GNS: variants seen among roughly 807,000 people sequenced by gnomAD.
GNS encodes the protein N-acetylglucosamine-6-sulfatase.
GNS carries 40 observed loss-of-function variants against 69.7 expected under a neutral mutation model. The ratio of observed to expected loss-of-function variants is 0.57; its 90% confidence interval spans 0.45 to 0.75. The LOEUF (loss-of-function observed/expected upper bound fraction) is 0.75, where lower values mean the gene tolerates loss of function less well. Among genes scored for constraint, GNS ranks in the 30% least tolerant of loss-of-function variants. The pLI, the probability that GNS is intolerant of heterozygous loss-of-function variation, is 0.00. For synonymous variants in GNS, 243 were observed against 251.6 expected, an observed-to-expected ratio of 0.97 and a Z score of 0.32; for missense variants, 565 against 685.5, an observed-to-expected ratio of 0.82 and a Z score of 1.96.
intron 13 of GNS, 51 bp downstream of exon 13, chr12:64,719,971 A>T: frequency 7.9e-7 from 1 of 1,260,092 alleles, no homozygotes; most frequent in Non-Finnish European, 1.2e-6. Context: ...CAAGAACAGC[A>T]TGTCTACTAG....
chr12:64,730,881 T>C (rs1279836074), intron 9 of GNS, among the ~76,000 whole-genome samples: 2 of 152,094 alleles, frequency 1.3e-5, no homozygotes, highest in African/African-American at 2.4e-5. Flanking sequence ...TTCAGTGATA[T>C]CTGTAAAATG....
chr12:64,717,518 A>ATTTTTTTTTTT (rs57088346), intron 13 of GNS, among the ~76,000 whole-genome samples: 1 of 131,412 alleles, frequency 7.6e-6, no homozygotes, highest in Non-Finnish European at 1.6e-5. Context: ...CACCTGGCTA[A>ATTTTTTTTTTT]TTTTTTTTTT....
At position 64,714,149 on chromosome 12, in the gene GNS, C is replaced by A. The variant is rs949157944; in HGVS notation, c.*2592G>T. ...CATCTCAAAAAAAAAGTGTTTGCAA[C>A]AGCACCATTTGTCAAATTCAAAGAT... On this transcript the variant is annotated 3_prime_UTR_variant, in exon 14 of 14. Coordinates refer to ENST00000258145, the MANE Select transcript of GNS (RefSeq NM_002076.4). 1 of 152,162 alleles carries A rather than the reference C, an allele frequency of 6.6e-6. No individual in the cohort carries two copies. The allele number at this position is 152,162 out of a possible 1,614,324, so 9.4% of individuals were successfully genotyped here.
rs768291103 is a variant in GNS at position 64,759,117 on chromosome 12, T to C, written c.160A>G (p.Thr54Ala). ...TRRPNVVLLL[T>A]DDQDEVLGGM... ...CCGAGCACTTCGTCCTGGTCGTCCG[T>C]GAGGAGCAGCACCACGTTGGGCCTC... is the stretch of plus-strand genomic sequence containing the variant. The change falls in exon 1 of 14, where the codon ACG becomes GCG. Residue 54 changes from threonine (T) to alanine (A), a missense_variant. Physicochemically the swap from Thr to Ala is moderately conservative, Grantham distance 58 (BLOSUM62 0). Around this residue, in one of 2 missense-constraint regions of GNS, gnomAD observed 181 missense variants for 174.4 expected, o/e 1.04. Coordinates refer to ENST00000258145, the MANE Select transcript of GNS (RefSeq NM_002076.4). 1.4e-5 allele frequency: 22 copies of C among 1,563,732 alleles called. No individual in the cohort carries two copies. The highest frequency in any genetic ancestry group is 1.7e-5 in the Non-Finnish European group (20 of 1,154,316).
At chr12:64,749,873 ATTTTT>A (rs35784292) in intron 2 of GNS, among the ~76,000 whole-genome samples, 1 of 127,814 alleles carries the variant, frequency 7.8e-6, no homozygotes, top group African/African-American at 3.0e-5. Context: ...TGGTAGAGCA[ATTTTT>A]TTTTTTTTTT....
Position 64,724,107 on chromosome 12 carries a change from T to C in GNS, c.1201-994A>G, listed in dbSNP as rs1012259873. On this transcript the variant is annotated intron_variant, in intron 10 of 13. Coordinates refer to ENST00000258145, the MANE Select transcript of GNS (RefSeq NM_002076.4). The stretch of plus-strand genomic sequence containing the variant: ...CAAAGTCTGGTTGGGAGCTTGGAGA[T>C]GCAGAATCTCAGGTCCTACTCTAGC... 3.3e-5 allele frequency among the ~76,000 whole-genome samples: 5 copies of C among 152,198 alleles called. No individual in the cohort carries two copies. In the South Asian group the frequency reaches 8.3e-4, roughly 25 times the overall value.
At chr12:64,723,527 A>C (rs981210179) in intron 10 of GNS, among the ~76,000 whole-genome samples, 6 of 152,262 alleles carry the variant, frequency 3.9e-5, no homozygotes, top group Non-Finnish European at 8.8e-5. Context: ...CACAAGGACA[A>C]TAAAGAAATA....
At chr12:64,726,108 A>G (rs1238310809) in intron 10 of GNS, among the ~76,000 whole-genome samples, 26 of 152,034 alleles carry the variant, frequency 1.7e-4, no homozygotes, top group Admixed American at 1.7e-3. Context: ...TATAGGTTAA[A>G]TGCAATTCCA....
intron 1 of GNS, 188 bp from the exon 2 acceptor site, chr12:64,752,945 A>C: frequency 1.7e-6 from 1 of 600,746 alleles, no homozygotes. Flanking sequence ...CATCCTGTAT[A>C]AAAGTGCAGG....
At chr12:64,740,452 T>C (rs1869696133) in intron 7 of GNS, among the ~76,000 whole-genome samples, 154 bp downstream of exon 7, 1 of 152,218 alleles carries the variant, frequency 6.6e-6, no homozygotes, top group Non-Finnish European at 1.5e-5. Flanking sequence ...AAGGAATCTC[T>C]CTGCTTCTGG....
Position 64,716,049 on chromosome 12 carries a change from T to C in GNS, c.*692A>G, listed in dbSNP as rs1868848930. On this transcript the variant is annotated 3_prime_UTR_variant, in exon 14 of 14. Coordinates refer to ENST00000258145, the MANE Select transcript of GNS (RefSeq NM_002076.4). ...GTAGATGGCTATCACCTTCAAGAGCTACCTGGAATTGGCCTTTATCACAAG... is the reference window on the plus strand; with the variant it reads ...GTAGATGGCTATCACCTTCAAGAGCCACCTGGAATTGGCCTTTATCACAAG... The C allele has an allele frequency of 6.5e-6, 1 of 154,512 alleles. No individual in the cohort carries two copies. Among genetic ancestry groups the C allele is most frequent in the South Asian group, 2.0e-4 (1 of 5,034 alleles). 9.6% of individuals were successfully genotyped at this position (154,512 alleles called of 1,614,324 possible). A position where few individuals can be genotyped will look rare whatever the true frequency, so the allele number is the denominator to read the frequency against.
At chr12:64,751,877 A>G (rs1043748771) in intron 2 of GNS, among the ~76,000 whole-genome samples, 1 of 148,724 alleles carries the variant, frequency 6.7e-6, no homozygotes, top group African/African-American at 2.5e-5. Context: ...AATCTCAGCT[A>G]CCCAGAAGGC....
intron 10 of GNS, among the ~76,000 whole-genome samples, chr12:64,723,775 A>G (rs751983945): frequency 5.9e-5 from 9 of 152,334 alleles, no homozygotes; most frequent in Non-Finnish European, 1.0e-4. Flanking sequence ...AACGCAGACC[A>G]CTTAGATGTG....
At position 64,728,974 on chromosome 12, in the gene GNS, C is replaced by T; in HGVS notation, c.1182G>A (p.Met394Ile). The change falls in exon 10 of 14, where the codon ATG becomes ATA. Residue 394 changes from methionine to isoleucine, a missense_variant. Met to Ile is a conservative substitution (Grantham distance 10). Coordinates refer to ENST00000258145, the MANE Select transcript of GNS (RefSeq NM_002076.4). Reference protein sequence around the residue: ...YDLNKTQMDGMSLLPILRGAS... With the variant: ...YDLNKTQMDGISLLPILRGAS... Reference sequence around the variant, plus strand: ...TACTTACCAAAATGGGCAATAAGGACATCCCATCCATCTGTGTCTTATTTA... The same window carrying T: ...TACTTACCAAAATGGGCAATAAGGATATCCCATCCATCTGTGTCTTATTTA... 1 of 1,560,752 alleles carries T rather than the reference C, an allele frequency of 6.4e-7. No individual in the cohort carries two copies. The highest frequency in any genetic ancestry group is 8.8e-7 in the Non-Finnish European group (1 of 1,131,212).
intron 9 of GNS, among the ~76,000 whole-genome samples, chr12:64,735,162 G>A (rs935988756): frequency 2.6e-5 from 4 of 152,132 alleles, no homozygotes; most frequent in East Asian, 1.9e-4. Context: ...GCTCCTTGCC[G>A]TATGCAAGGC....
At chr12:64,757,450 C>G (rs1592512593) in intron 1 of GNS, among the ~76,000 whole-genome samples, 1 of 151,978 alleles carries the variant, frequency 6.6e-6, no homozygotes, top group East Asian at 1.9e-4. Flanking sequence ...ATTTTGTGAG[C>G]AGACAAGTAA....
intron 2 of GNS, among the ~76,000 whole-genome samples, chr12:64,748,610 T>C (rs1278290502): frequency 2.0e-5 from 3 of 152,206 alleles, no homozygotes; most frequent in East Asian, 3.9e-4. Flanking sequence ...AGTGGTTCAT[T>C]TGCAGGCTGA....
chr12:64,725,546 C>A (rs771468319), intron 10 of GNS, among the ~76,000 whole-genome samples: 30 of 152,108 alleles, frequency 2.0e-4, no homozygotes, highest in Non-Finnish European at 5.9e-5. Flanking sequence ...ATTAACTGTT[C>A]TAATACATCA....
At chr12:64,758,278 G>A (rs949976621) in intron 1 of GNS, among the ~76,000 whole-genome samples, 1 of 147,156 alleles carries the variant, frequency 6.8e-6, no homozygotes, top group Admixed American at 6.8e-5. Context: ...ATAGTTCGAC[G>A]GTCGGCCTAC....
Sources: gnomAD v4.1 joint callset for allele counts (sites outside exome capture counted in the v4.1 genomes callset) on GRCh38, gnomAD v4.1.1 for gene constraint, gnomAD v4.1.1 regional missense constraint, MANE v1.5 for transcripts, NCBI Gene and HGNC (gene_info 2026-07-23, HGNC 2026-07-21) for gene names.